The following TAB2 variants were observed in gnomAD, a reference collection of about 807,000 sequenced individuals.
TAB2 encodes TGF-beta activated kinase 1 (MAP3K7) binding protein 2.
In TAB2, 3 loss-of-function variants were observed where a neutral mutation model predicts 65.0. The ratio of observed to expected loss-of-function variants is 0.05; its 90% CI spans 0.02 to 0.12. The LOEUF (loss-of-function observed/expected upper bound fraction) is 0.12. Ranked by LOEUF, TAB2 falls within the 10% of genes least tolerant of loss-of-function variation. TAB2 has a pLI of 1.00. For missense variants in TAB2, 623 were observed against 840.3 expected, an observed-to-expected ratio of 0.74 and a Z score of 3.20; for synonymous variants, 298 against 285.1, an observed-to-expected ratio of 1.05 and a Z score of -0.46.
chr6:149,375,734 A>T (rs1781376737), intron 2 of TAB2, among the ~76,000 whole-genome samples: 1 of 152,192 alleles, frequency 6.6e-6, no homozygotes, highest in Admixed American at 6.5e-5. Flanking sequence ...TTGGCAAAAG[A>T]TAAGATCTAA....
Position 149,385,020 on chromosome 6 carries a change from A to G in TAB2, c.1603+5502A>G, listed in dbSNP as rs530452612. On this transcript the variant is annotated intron_variant, in intron 3 of 6. Transcript: ENST00000637181. ...TGATACTTTAATATGGTTTTTCCTC[A>G]GTTATGTTTAAAGTCCTACCATAGT... is the stretch of plus-strand genomic sequence containing the variant. 6.6e-5 allele frequency among the ~76,000 whole-genome samples: 10 copies of G among 152,294 alleles called. No individual in the cohort carries two copies. In the East Asian group the frequency reaches 1.9e-3, roughly 29 times the overall value.
chr6:149,284,046 A>G (rs9498283), intron 1 of TAB2, among the ~76,000 whole-genome samples: 30,445 of 152,062 alleles, frequency 0.2, 3,261 homozygotes, highest in East Asian at 0.43. Context: ...GAGCATATAC[A>G]TAAAATGCAA....
intron 1 of TAB2, among the ~76,000 whole-genome samples, chr6:149,346,093 C>G (rs1780287574): frequency 6.6e-6 from 1 of 152,076 alleles, no homozygotes; most frequent in Non-Finnish European, 1.5e-5. Context: ...TGCTTTAATT[C>G]ATATAGCTGG....
intron 1 of TAB2, among the ~76,000 whole-genome samples, chr6:149,252,720 C>T (rs1002963715): frequency 1.2e-4 from 18 of 152,186 alleles, no homozygotes; most frequent in Admixed American, 3.9e-4. Context: ...GTACTGCTCA[C>T]ACCCTTTGCC....
At chr6:149,352,344 AG>A (rs1209930687) in intron 1 of TAB2, among the ~76,000 whole-genome samples, 1 of 152,140 alleles carries the variant, frequency 6.6e-6, no homozygotes, top group African/African-American at 2.4e-5. Flanking sequence ...TTAAATATAT[AG>A]TAGCTGCAGA....
chr6:149,404,803 A>G (rs1782607899), intron 6 of TAB2, among the ~76,000 whole-genome samples: 1 of 152,246 alleles, frequency 6.6e-6, no homozygotes, highest in Non-Finnish European at 1.5e-5. Context: ...ACCTGAAACC[A>G]TAAAACTCCT....
At chr6:149,222,638 CT>C (rs1040070500) in intron 1 of TAB2, among the ~76,000 whole-genome samples, 13 of 149,348 alleles carry the variant, frequency 8.7e-5, no homozygotes, top group African/African-American at 3.2e-4. Context: ...AAAAAAGAAA[CT>C]TTTTTTTCAT....
intron 1 of TAB2, among the ~76,000 whole-genome samples, chr6:149,349,283 G>A (rs749647184): frequency 1.3e-5 from 2 of 151,710 alleles, no homozygotes; most frequent in African/African-American, 4.8e-5. Context: ...AGCCAGGCAC[G>A]GTGGCACGCG....
intron 1 of TAB2, among the ~76,000 whole-genome samples, chr6:149,278,044 T>C (rs528342136): frequency 6.6e-6 from 1 of 152,206 alleles, no homozygotes; most frequent in Non-Finnish European, 1.5e-5. Context: ...ATTTGTCTCC[T>C]GCAGGGACAT....
intron 1 of TAB2, among the ~76,000 whole-genome samples, chr6:149,339,597 A>ATTTTT (rs1160637055): frequency 2.8e-5 from 1 of 35,748 alleles, no homozygotes; most frequent in African/African-American, 4.8e-5. Flanking sequence ...TTATTTATTT[A>ATTTTT]TTTATTTATT....
intron 1 of TAB2, among the ~76,000 whole-genome samples, chr6:149,280,251 T>C (rs548854705): frequency 2.0e-5 from 3 of 152,342 alleles, no homozygotes; most frequent in South Asian, 2.1e-4. Flanking sequence ...ACTAACTTCA[T>C]GAGTTGGTTG....
intron 1 of TAB2, among the ~76,000 whole-genome samples, chr6:149,269,127 T>C (rs75248675): frequency 0.021 from 3,162 of 152,326 alleles, 56 homozygotes; most frequent in Non-Finnish European, 0.032. Context: ...ATAACATTGT[T>C]TTTATTTAAG....
chr6:149,308,616 C>T (rs944158873), intron 1 of TAB2, among the ~76,000 whole-genome samples: 2 of 152,032 alleles, frequency 1.3e-5, no homozygotes, highest in African/African-American at 2.4e-5. Flanking sequence ...GTAACCTCCG[C>T]CTCCCAGGTT....
At chr6:149,220,145 C>T (rs1777110181) in intron 1 of TAB2, among the ~76,000 whole-genome samples, 1 of 152,134 alleles carries the variant, frequency 6.6e-6, no homozygotes, top group Non-Finnish European at 1.5e-5. Flanking sequence ...GTTCTCATAC[C>T]TTCTTTTGTA....
At chr6:149,265,924 C>T (rs1209231770) in intron 1 of TAB2, among the ~76,000 whole-genome samples, 1 of 152,200 alleles carries the variant, frequency 6.6e-6, no homozygotes, top group Non-Finnish European at 1.5e-5. Context: ...CTGCTCTCGG[C>T]TTTTGTCAGC....
intron 1 of TAB2, among the ~76,000 whole-genome samples, chr6:149,275,248 G>GAAAT (rs200296142): frequency 5.8e-5 from 7 of 120,272 alleles, no homozygotes; most frequent in Non-Finnish European, 1.0e-4. Flanking sequence ...AAGAAAGAAA[G>GAAAT]AAAGAAAGAA....
chr6:149,346,282 A>T (rs1300159883), intron 1 of TAB2, among the ~76,000 whole-genome samples: 2 of 152,034 alleles, frequency 1.3e-5, no homozygotes, highest in Non-Finnish European at 2.9e-5. Context: ...GCACACACAC[A>T]CACCCCTCTC....
intron 1 of TAB2, among the ~76,000 whole-genome samples, chr6:149,226,371 C>T (rs1198801238): frequency 1.3e-5 from 2 of 152,136 alleles, no homozygotes; most frequent in African/African-American, 2.4e-5. Context: ...TATTAGTCCT[C>T]GGGTGTGAGT....
At chr6:149,403,229 T>C (rs889921551) in intron 6 of TAB2, among the ~76,000 whole-genome samples, 1 of 111,630 alleles carries the variant, frequency 9.0e-6, no homozygotes, top group Non-Finnish European at 1.7e-5. Flanking sequence ...AGCGAAACTC[T>C]TGTCTAAAAA....
Sources: allele counts gnomAD v4.1 joint callset (sites outside exome capture counted in the v4.1 genomes callset), GRCh38; gene constraint gnomAD v4.1.1; transcripts MANE v1.5; gene names NCBI Gene and HGNC (gene_info 2026-07-23, HGNC 2026-07-21).